The following MTMR3 variants were observed in gnomAD, a reference collection of about 807,000 sequenced individuals.
MTMR3 encodes phosphatidylinositol-3,5-bisphosphate 3-phosphatase MTMR3.
A neutral mutation model predicts 132.4 loss-of-function variants in MTMR3; 32 were observed. The ratio of observed to expected loss-of-function variants is 0.24; its 90% CI spans 0.18 to 0.32. The LOEUF is 0.32. Ranked by LOEUF, MTMR3 falls within the 10% of genes least tolerant of loss-of-function variation. The pLI is 1.00. For missense variants in MTMR3, 1,216 were observed against 1,489.6 expected (o/e 0.82, Z 3.02); for synonymous variants, 556 against 550.3 (o/e 1.01, Z -0.14).
intron 1 of MTMR3, among the ~76,000 whole-genome samples, chr22:29,893,187 T>C (rs2064831046): frequency 6.6e-6 from 1 of 152,226 alleles, no homozygotes; most frequent in Admixed American, 6.5e-5. Flanking sequence ...ATATTTTCCG[T>C]AGTGAGATTG....
chr22:29,915,963 T>TA (rs766582917), intron 1 of MTMR3, among the ~76,000 whole-genome samples: 3 of 152,244 alleles, frequency 2.0e-5, no homozygotes, highest in South Asian at 2.1e-4. Flanking sequence ...ACCTTTAACT[T>TA]ACGACATTCT....
chr22:29,964,159 T>C (rs746836673), intron 2 of MTMR3, among the ~76,000 whole-genome samples: 2 of 152,236 alleles, frequency 1.3e-5, no homozygotes, highest in Admixed American at 6.5e-5. Context: ...CTCGTATATC[T>C]AATTTTAAGA....
chr22:29,996,158 T>C (rs916242458), intron 7 of MTMR3: 1 of 152,208 alleles, frequency 6.6e-6, no homozygotes, highest in African/African-American at 2.4e-5. Context: ...AATTAAAACA[T>C]GTTTGTTGTA....
At chr22:29,925,654 G>T (rs951526855) in intron 1 of MTMR3, among the ~76,000 whole-genome samples, 29 of 152,120 alleles carry the variant, frequency 1.9e-4, no homozygotes, top group Middle Eastern at 3.4e-3. Context: ...GGTGGCTCAT[G>T]CCTGTAATCC....
intron 1 of MTMR3, among the ~76,000 whole-genome samples, chr22:29,929,554 G>C (rs976443168): frequency 6.6e-6 from 1 of 151,702 alleles, no homozygotes; most frequent in Non-Finnish European, 1.5e-5. Flanking sequence ...CTGTCACCCA[G>C]GCTGGAGTGT....
intron 1 of MTMR3, among the ~76,000 whole-genome samples, chr22:29,914,411 T>G (rs2065271490): frequency 6.6e-6 from 1 of 152,240 alleles, no homozygotes; most frequent in Admixed American, 6.5e-5. Flanking sequence ...GTGAAGTGTC[T>G]GTTCAAATCT....
Position 30,007,313 on chromosome 22 carries a change from G to C in MTMR3, c.871G>C (p.Glu291Gln). 1 of 1,614,028 alleles carries C rather than the reference G, an allele frequency of 6.2e-7. No individual in the cohort carries two copies. The highest frequency in any genetic ancestry group is 8.5e-7 in the Non-Finnish European group (1 of 1,180,006). ...CAATGGGGGAGACCTTTCTGACGTG[G>C]AGTTCGGTAAGGTGCTCCCTGGACC... ...FPNGGDLSDV[E>Q]FDSSLSNASG... Residue 291 changes from glutamate (E) to glutamine (Q), a missense_variant, in exon 10 of 20, where the codon GAG (glutamate) becomes CAG (glutamine). Glu to Gln is a conservative substitution (Grantham distance 29). Around this residue, in one of 7 missense-constraint regions of MTMR3, gnomAD observed 47 missense variants for 46.8 expected, o/e 1.00. Transcript: ENST00000401950.
intron 8 of MTMR3, chr22:30,001,525 C>G (rs2145926198): frequency 6.6e-6 from 1 of 152,344 alleles, no homozygotes; most frequent in Admixed American, 6.5e-5. Context: ...TGCTCTCTAG[C>G]CCGGGTAACA....
chr22:29,963,597 G>A (rs1222208517), intron 2 of MTMR3, among the ~76,000 whole-genome samples: 1 of 151,798 alleles, frequency 6.6e-6, no homozygotes, highest in Non-Finnish European at 1.5e-5. Flanking sequence ...ACCGTTGGCC[G>A]GGATGGTCTC....
At chr22:29,920,382 A>G (rs1471923534) in intron 1 of MTMR3, among the ~76,000 whole-genome samples, 1 of 152,202 alleles carries the variant, frequency 6.6e-6, no homozygotes, top group African/African-American at 2.4e-5. Flanking sequence ...GTAATAGGCT[A>G]CAGAACACAT....
chr22:29,957,142 G>C (rs549532810), intron 2 of MTMR3, 54 bp downstream of exon 2: 13 of 140,778 alleles, frequency 9.2e-5, no homozygotes, highest in South Asian at 2.2e-4. Context: ...TACTCTCTCT[G>C]TGCTGTTTCG....
At chr22:29,934,973 A>G (rs1488593188) in intron 1 of MTMR3, among the ~76,000 whole-genome samples, 2 of 152,188 alleles carry the variant, frequency 1.3e-5, no homozygotes, top group African/African-American at 4.8e-5. Context: ...TTAAGCATAT[A>G]TTTTTCTATT....
chr22:30,011,155 C>T (rs1007838304), intron 12 of MTMR3: 4 of 152,162 alleles, frequency 2.6e-5, no homozygotes, highest in Non-Finnish European at 5.9e-5. Flanking sequence ...CCCACAGTCC[C>T]CTGACAGAAA....
chr22:29,967,079 CCA>C (rs962790220), intron 2 of MTMR3, among the ~76,000 whole-genome samples: 3 of 151,882 alleles, frequency 2.0e-5, no homozygotes, highest in Admixed American at 6.6e-5. Context: ...TCTTTAGGGA[CCA>C]CAGTCTAGGG....
At chr22:29,946,436 G>C (rs751385452) in intron 1 of MTMR3, among the ~76,000 whole-genome samples, 1 of 152,150 alleles carries the variant, frequency 6.6e-6, no homozygotes, top group Non-Finnish European at 1.5e-5. Flanking sequence ...CTGAGGGCTC[G>C]AGAGAAAGGC....
chr22:29,901,590 A>G (rs1026758049), intron 1 of MTMR3, among the ~76,000 whole-genome samples: 5 of 152,224 alleles, frequency 3.3e-5, no homozygotes, highest in Admixed American at 6.5e-5. Flanking sequence ...GACCCTTTCT[A>G]TAGTCAGCCC....
chr22:29,898,582 T>C (rs771046629), intron 1 of MTMR3, among the ~76,000 whole-genome samples: 7 of 152,158 alleles, frequency 4.6e-5, no homozygotes, highest in Non-Finnish European at 8.8e-5. Context: ...TTTGTATTTT[T>C]TGTAGAGACT....
In MTMR3 at chr22:30,016,681, T is replaced by A; in HGVS notation, c.1657T>A (p.Ser553Thr). Residue 553 changes from serine (S) to threonine (T), a missense_variant, in exon 15 of 20, where the codon TCC (serine) becomes ACC (threonine). Physicochemically the swap from Ser to Thr is moderately conservative, Grantham distance 58. Around this residue, in one of 7 missense-constraint regions of MTMR3, gnomAD observed 852 missense variants for 852.0 expected, o/e 1.00. Coordinates refer to ENST00000401950, the MANE Select transcript of MTMR3 (RefSeq NM_021090.4). ...GNKAFKNLLY[S>T]SQSEAVLYPV... ...CAAGGCTTTCAAAAACCTACTGTAT[T>A]CCTCTCAGTCAGAAGCCGTATGTAT... is the stretch of plus-strand genomic sequence containing the variant. 6.2e-7 allele frequency: 1 copy of A among 1,613,474 alleles called. No homozygotes were observed. The highest frequency in any genetic ancestry group is 8.5e-7 in the Non-Finnish European group (1 of 1,179,636).
intron 1 of MTMR3, among the ~76,000 whole-genome samples, chr22:29,898,705 A>G (rs763444653): frequency 3.9e-5 from 6 of 152,016 alleles, no homozygotes; most frequent in Admixed American, 1.3e-4. Context: ...CCCAGCTCCT[A>G]GTAGGTAGTT....
Sources: allele counts gnomAD v4.1 joint callset (sites outside exome capture counted in the v4.1 genomes callset), GRCh38; gene constraint gnomAD v4.1.1; regional missense constraint gnomAD v4.1.1; transcripts MANE v1.5; gene names NCBI Gene and HGNC (gene_info 2026-07-23, HGNC 2026-07-21).